The following ZNF608 variants were observed in gnomAD, a reference collection of about 807,000 sequenced individuals.
ZNF608 encodes the protein zinc finger protein 608.
A neutral mutation model predicts 109.0 loss-of-function variants in ZNF608; 12 were observed. The ratio of observed to expected loss-of-function variants is 0.11; its 90% CI spans 0.07 to 0.18. The LOEUF (loss-of-function observed/expected upper bound fraction) is 0.18. Among genes scored for constraint, ZNF608 ranks in the 10% least tolerant of loss-of-function variants. ZNF608 has a pLI of 1.00. For synonymous variants in ZNF608, 732 were observed against 717.4 expected (o/e 1.02, Z -0.33); for missense variants, 1,707 against 1,879.3 (o/e 0.91, Z 1.70).
intron 3 of ZNF608, among the ~76,000 whole-genome samples, chr5:124,685,078 T>C (rs1256031315): frequency 6.6e-6 from 1 of 151,806 alleles, no homozygotes; most frequent in African/African-American, 2.4e-5. Flanking sequence ...TTTTGCTTAG[T>C]TGTCATGAGG....
chr5:124,647,808 T>C lies in ZNF608; in HGVS notation c.2576A>G (p.Asn859Ser), dbSNP rs773113131. 2 of 1,614,224 alleles carry C rather than the reference T, an allele frequency of 1.2e-6. No individual in the cohort carries two copies. The highest frequency in any genetic ancestry group is 1.6e-4 in the Middle Eastern group (1 of 6,062). Residue 859 changes from asparagine to serine, a missense_variant, in exon 5 of 10, where the codon AAC (asparagine) becomes AGC (serine). Asn to Ser is a conservative substitution (Grantham distance 46, BLOSUM62 1). This residue lies in a region of ZNF608 where 1,073 missense variants were observed against 1,133.5 expected (regional missense o/e 0.95). Coordinates refer to ENST00000513986, the MANE Select transcript of ZNF608 (RefSeq NM_020747.3). ...TCCATTTGCCAGCCCTTCATTCTTG[T>C]TGAGATGATCCTTTAAAAAATGCCC... ...LPGHFLKDHL[N>S]KNEGLANGLS...
In ZNF608 at chr5:124,639,229, A is replaced by T; in HGVS notation, c.4451-15T>A. On this transcript the variant is annotated splice_polypyrimidine_tract_variant and intron_variant, in intron 8 of 9. Coordinates refer to ENST00000513986, the MANE Select transcript of ZNF608 (RefSeq NM_020747.3). ...AGAGGTCAAGCCTAATGGGGAAAAAATGTAGAGTGTCTGTGATCTTTAGAA... is the reference window on the plus strand; with the variant it reads ...AGAGGTCAAGCCTAATGGGGAAAAATTGTAGAGTGTCTGTGATCTTTAGAA... 6.2e-7 allele frequency: 1 copy of T among 1,612,796 alleles called. No individual in the cohort carries two copies. Among genetic ancestry groups the T allele is most frequent in the Non-Finnish European group, 8.5e-7 (1 of 1,178,762 alleles).
At chr5:124,649,795 T>A (rs1750700534) in intron 3 of ZNF608, 98 bp from the exon 4 acceptor site, 2 of 622,280 alleles carry the variant, frequency 3.2e-6, no homozygotes, top group African/African-American at 3.8e-5. Context: ...TGCCAGCAAG[T>A]TCTATTCTCA....
intron 2 of ZNF608, among the ~76,000 whole-genome samples, chr5:124,724,317 A>G (rs564238108): frequency 6.6e-6 from 1 of 152,240 alleles, no homozygotes; most frequent in East Asian, 1.9e-4. Context: ...AGGGGGAAGT[A>G]AAACCTACTT....
intron 2 of ZNF608, chr5:124,735,033 C>A (rs528199476): frequency 3.9e-5 from 6 of 152,240 alleles, no homozygotes; most frequent in African/African-American, 1.4e-4. Context: ...CCAGTATATT[C>A]GGCTTTCGGG....
chr5:124,665,029 G>A (rs1037702646), intron 3 of ZNF608, among the ~76,000 whole-genome samples: 3 of 152,098 alleles, frequency 2.0e-5, no homozygotes, highest in African/African-American at 7.2e-5. Flanking sequence ...CAAAAAGTTA[G>A]CTGGGCTTGG....
At chr5:124,705,570 G>C (rs769105929) in intron 2 of ZNF608, among the ~76,000 whole-genome samples, 2 of 152,082 alleles carry the variant, frequency 1.3e-5, no homozygotes, top group Non-Finnish European at 2.9e-5. Context: ...ACCTTCCAAA[G>C]CTCCTTTTTA....
chr5:124,662,846 G>A (rs979328591), intron 3 of ZNF608, among the ~76,000 whole-genome samples: 3 of 151,944 alleles, frequency 2.0e-5, no homozygotes, highest in Non-Finnish European at 4.4e-5. Context: ...CACACTTCTG[G>A]ACAAAAATCT....
At chr5:124,684,855 C>G (rs569714594) in intron 3 of ZNF608, among the ~76,000 whole-genome samples, 1 of 152,236 alleles carries the variant, frequency 6.6e-6, no homozygotes, top group Non-Finnish European at 1.5e-5. Flanking sequence ...AACAGTTTGT[C>G]CAATAGTAGT....
At chr5:124,646,289 C>T (rs530017087) in intron 5 of ZNF608, among the ~76,000 whole-genome samples, 74 of 152,166 alleles carry the variant, frequency 4.9e-4, no homozygotes, top group African/African-American at 1.7e-3. Context: ...TGAACGGAGG[C>T]GGAGGTTGCA....
intron 2 of ZNF608, among the ~76,000 whole-genome samples, chr5:124,739,646 T>G (rs1749297835): frequency 6.6e-6 from 1 of 152,202 alleles, no homozygotes; most frequent in African/African-American, 2.4e-5. Flanking sequence ...TGGAACTGGT[T>G]AAAATAAATG....
chr5:124,742,903 G>A (rs964953275), intron 2 of ZNF608, among the ~76,000 whole-genome samples: 2 of 152,132 alleles, frequency 1.3e-5, no homozygotes, highest in Admixed American at 6.5e-5. Context: ...TAATAAGGAT[G>A]TTCCCCAACA....
rs1208172186 is a variant in ZNF608 at position 124,637,422 on chromosome 5, C to T, written c.*478G>A. 2.0e-5 allele frequency: 3 copies of T among 152,458 alleles called. No homozygotes were observed. Among genetic ancestry groups the T allele is most frequent in the Non-Finnish European group, 4.4e-5 (3 of 68,018 alleles). The allele number at this position is 152,458 out of a possible 1,614,324, so 9.4% of individuals were successfully genotyped here. The stretch of plus-strand genomic sequence containing the variant: ...CCAAAGTGTCATCATCACAGTTAGC[C>T]TTTCTGAGGGGCTTATGGGAAATAT... On this transcript the variant is annotated 3_prime_UTR_variant, in exon 10 of 10. Transcript: ENST00000513986.
In ZNF608 at chr5:124,744,011, G is replaced by A; in HGVS notation, c.906+73C>T. ...AAGCATAAAGTGTAAGGCACACAGA[G>A]GCACACCCCCACACACCCACACAAA... On this transcript the variant is annotated intron_variant, in intron 2 of 9. Transcript: ENST00000513986. This position sits in a 1 kb window ranked among gnomAD's most constrained non-coding sequence, Gnocchi z 4.5. 1.3e-6 allele frequency: 2 copies of A among 1,514,606 alleles called. No homozygotes were observed. Among genetic ancestry groups the A allele is most frequent in the East Asian group, 2.3e-5 (1 of 43,962 alleles). 93.8% of individuals were successfully genotyped at this position (1,514,606 alleles called of 1,614,324 possible).
At chr5:124,739,576 A>T (rs1229860608) in intron 2 of ZNF608, among the ~76,000 whole-genome samples, 1 of 152,232 alleles carries the variant, frequency 6.6e-6, no homozygotes, top group Non-Finnish European at 1.5e-5. Flanking sequence ...GCCTGCAGGA[A>T]CTGTATAACC....
intron 3 of ZNF608, among the ~76,000 whole-genome samples, chr5:124,656,030 C>T (rs1750988671): frequency 6.6e-6 from 1 of 152,030 alleles, no homozygotes; most frequent in South Asian, 2.1e-4. Flanking sequence ...CCATAAAATG[C>T]AGTATGTTTT....
chr5:124,701,714 A>G (rs1267536032), intron 2 of ZNF608, among the ~76,000 whole-genome samples: 3 of 152,262 alleles, frequency 2.0e-5, no homozygotes, highest in African/African-American at 4.8e-5. Flanking sequence ...AAAGAACTTT[A>G]TAAACCATAA....
intron 2 of ZNF608, among the ~76,000 whole-genome samples, chr5:124,728,649 T>C (rs1411114804): frequency 6.6e-6 from 1 of 152,210 alleles, no homozygotes; most frequent in Non-Finnish European, 1.5e-5. Flanking sequence ...AATAATCAAA[T>C]ATGACAGCAA....
chr5:124,662,812 G>GAC (rs10630923), intron 3 of ZNF608, among the ~76,000 whole-genome samples: 18,579 of 150,916 alleles, frequency 0.12, 1,239 homozygotes, highest in East Asian at 0.22. Flanking sequence ...CAGACACACA[G>GAC]ACACACACAC....
Sources: allele counts gnomAD v4.1 joint callset (sites outside exome capture counted in the v4.1 genomes callset), GRCh38; gene constraint gnomAD v4.1.1; regional missense constraint gnomAD v4.1.1; non-coding constraint Gnocchi (gnomAD v3.1); transcripts MANE v1.5; gene names NCBI Gene and HGNC (gene_info 2026-07-23, HGNC 2026-07-21).